The following CUEDC1 variants were observed in gnomAD, a reference collection of about 807,000 sequenced individuals.
CUEDC1 encodes the protein CUE domain-containing protein 1.
A neutral mutation model predicts 43.7 loss-of-function variants in CUEDC1; 30 were observed. The ratio of observed to expected loss-of-function variants is 0.69; its 90% confidence interval spans 0.51 to 0.93. CUEDC1 has a LOEUF of 0.93. Among genes scored for constraint, CUEDC1 ranks in the 40% least tolerant of loss-of-function variants. CUEDC1 has a pLI of 0.00. For missense variants in CUEDC1, 486 were observed against 549.0 expected (o/e 0.89, Z 1.15); for synonymous variants, 223 against 223.6 (o/e 1.00, Z 0.02).
intron 1 of CUEDC1, among the ~76,000 whole-genome samples, chr17:57,933,800 G>A (rs1226525346): frequency 6.6e-6 from 1 of 152,064 alleles, no homozygotes; most frequent in African/African-American, 2.4e-5. Flanking sequence ...ATGAACACAG[G>A]CCCAGAACAC....
chr17:57,891,005 G>A (rs1403927836), intron 1 of CUEDC1, among the ~76,000 whole-genome samples: 6 of 152,208 alleles, frequency 3.9e-5, no homozygotes, highest in Admixed American at 1.3e-4. Flanking sequence ...CAGTGACACA[G>A]GCTGCTGTGG....
intron 1 of CUEDC1, among the ~76,000 whole-genome samples, chr17:57,946,251 C>A (rs1011291707): frequency 6.6e-6 from 1 of 152,184 alleles, no homozygotes; most frequent in Admixed American, 6.5e-5. Context: ...TCTTCAGAAT[C>A]CTTTCCAGCT....
chr17:57,921,990 G>T (rs991635733), intron 1 of CUEDC1, among the ~76,000 whole-genome samples: 2 of 152,184 alleles, frequency 1.3e-5, no homozygotes, highest in Non-Finnish European at 2.9e-5. Context: ...GCACGTGCCT[G>T]TAGTTCCAGC....
At chr17:57,880,836 A>ACC (rs2074194469) in intron 2 of CUEDC1, among the ~76,000 whole-genome samples, 1 of 141,400 alleles carries the variant, frequency 7.1e-6, no homozygotes, top group African/African-American at 3.0e-5. Flanking sequence ...TGAACTCCTG[A>ACC]TCCACCATAG....
At chr17:57,945,062 G>T (rs76653604) in intron 1 of CUEDC1, among the ~76,000 whole-genome samples, 1 of 152,092 alleles carries the variant, frequency 6.6e-6, no homozygotes, top group African/African-American at 2.4e-5. Context: ...AGGTCAGTAC[G>T]GATCATTTGG....
Position 57,871,390 on chromosome 17 carries a change from C to A in CUEDC1, c.785-21G>T, listed in dbSNP as rs762079899. ...TCGATCTGGAAAAGGACCACATTCA[C>A]AGGTCAGGGAGGTTAGCTCCTGGGC... On this transcript the variant is annotated intron_variant, in intron 5 of 10. Coordinates refer to ENST00000577830, the MANE Select transcript of CUEDC1 (RefSeq NM_001271875.2). 1.9e-6 allele frequency: 3 copies of A among 1,609,306 alleles called. No homozygotes were observed. The South Asian group carries it at 3.3e-5, about 18-fold the overall frequency.
chr17:57,920,391 A>T (rs1221427007), intron 1 of CUEDC1, among the ~76,000 whole-genome samples: 1 of 152,200 alleles, frequency 6.6e-6, no homozygotes, highest in African/African-American at 2.4e-5. Context: ...TGAAGGTAAT[A>T]TTACTATGTT....
chr17:57,911,065 C>T (rs2074578220), intron 1 of CUEDC1, among the ~76,000 whole-genome samples: 1 of 152,214 alleles, frequency 6.6e-6, no homozygotes, highest in African/African-American at 2.4e-5. Flanking sequence ...GTAAAGATCA[C>T]ATCCCTCCCT....
At chr17:57,946,710 G>A (rs1270104146) in intron 1 of CUEDC1, among the ~76,000 whole-genome samples, 6 of 152,146 alleles carry the variant, frequency 3.9e-5, no homozygotes, top group African/African-American at 1.4e-4. Flanking sequence ...ACCCGGCCCA[G>A]GCAATCTGTT....
chr17:57,952,715 A>G lies in CUEDC1; in HGVS notation c.-316+2510T>C, dbSNP rs192260064. Among the ~76,000 whole-genome samples the G allele has an allele frequency of 2.2e-3, 330 of 152,316 alleles. 2 individuals are homozygous for G. The highest frequency in any genetic ancestry group is 7.6e-3 in the African/African-American group (316 of 41,576). ...CCAGAGCAAATGTAGGAAGCTCTAA[A>G]GGAAGAATACCAGTGTGAGTGCTGC... is the stretch of plus-strand genomic sequence containing the variant. On this transcript the variant is annotated intron_variant, in intron 1 of 10. Transcript: ENST00000577830.
At chr17:57,953,568 G>A (rs371002863) in intron 1 of CUEDC1, among the ~76,000 whole-genome samples, 1 of 152,156 alleles carries the variant, frequency 6.6e-6, no homozygotes, top group East Asian at 1.9e-4. Flanking sequence ...TGGAGGTCCT[G>A]GTTCCAAGGG....
In CUEDC1 at chr17:57,900,638, C is replaced by T. The variant is rs79609351; in HGVS notation, c.-315-14759G>A. ...TAGTAGTGCAGGTTATTACCTTCCA[C>T]CATCATCATCACCATTTTATAGATA... On this transcript the variant is annotated intron_variant, in intron 1 of 10. Coordinates refer to ENST00000577830, the MANE Select transcript of CUEDC1 (RefSeq NM_001271875.2). 3.8e-3 allele frequency among the ~76,000 whole-genome samples: 586 copies of T among 152,330 alleles called. 2 individuals carry two copies. The highest frequency in any genetic ancestry group is 4.1e-3 in the Non-Finnish European group (279 of 68,028).
chr17:57,889,058 G>A (rs1487220814), intron 1 of CUEDC1, among the ~76,000 whole-genome samples: 1 of 152,164 alleles, frequency 6.6e-6, no homozygotes, highest in African/African-American at 2.4e-5. Context: ...GCCACTTATA[G>A]GGAACACGCA....
At chr17:57,887,678 T>C (rs7406224) in intron 1 of CUEDC1, among the ~76,000 whole-genome samples, 1 of 128,226 alleles carries the variant, frequency 7.8e-6, no homozygotes, top group African/African-American at 3.0e-5. Flanking sequence ...TTTTTTTTTG[T>C]ATTTTTAATA....
At chr17:57,938,768 T>G (rs2074885891) in intron 1 of CUEDC1, among the ~76,000 whole-genome samples, 1 of 152,080 alleles carries the variant, frequency 6.6e-6, no homozygotes, top group Non-Finnish European at 1.5e-5. Context: ...GTTCGAGCGA[T>G]TCTCCTGCCT....
At chr17:57,926,264 A>G (rs1461487826) in intron 1 of CUEDC1, among the ~76,000 whole-genome samples, 1 of 152,154 alleles carries the variant, frequency 6.6e-6, no homozygotes, top group East Asian at 1.9e-4. Context: ...GTGCCTCTGC[A>G]TGGCCTCCTG....
In CUEDC1 at chr17:57,882,302, T is replaced by TG. The variant is rs2074218717; in HGVS notation, c.337-2565dup. 7.2e-5 allele frequency among the ~76,000 whole-genome samples: 6 copies of TG among 83,760 alleles called. No homozygotes were observed. The South Asian group carries it at 2.4e-3, about 33-fold the overall frequency. The allele number at this position is 83,760 out of a possible 152,430, so 54.9% of individuals were successfully genotyped here. On this transcript the variant is annotated intron_variant, in intron 2 of 10. Coordinates refer to ENST00000577830, the MANE Select transcript of CUEDC1 (RefSeq NM_001271875.2). The stretch of plus-strand genomic sequence containing the variant: ...ATGGGCCCAGGCAGAGTTCCAAAGG[T>TG]GGGGGGTTGGGGAGACTGCCAAGGG...
At chr17:57,947,925 A>G (rs985235852) in intron 1 of CUEDC1, among the ~76,000 whole-genome samples, 2 of 152,222 alleles carry the variant, frequency 1.3e-5, no homozygotes, top group African/African-American at 4.8e-5. Context: ...AAAGAAGTAT[A>G]AATGTTGAGA....
intron 1 of CUEDC1, chr17:57,915,117 G>A (rs1055747291): frequency 9.2e-5 from 14 of 152,092 alleles, no homozygotes; most frequent in East Asian, 7.7e-4. Context: ...AAGGGTCTTC[G>A]AGTAAAGCAT....
Sources: gnomAD v4.1 joint callset for allele counts (sites outside exome capture counted in the v4.1 genomes callset) on GRCh38, gnomAD v4.1.1 for gene constraint, MANE v1.5 for transcripts, NCBI Gene and HGNC (gene_info 2026-07-23, HGNC 2026-07-21) for gene names.